Variants in NT5DC1 observed in about 807,000 individuals in gnomAD.
The protein encoded by NT5DC1 is 5'-nucleotidase domain containing 1.
Under a neutral mutation model 59.4 loss-of-function variants are expected in NT5DC1, and 42 were observed. That is an observed-to-expected ratio of 0.71 (90% confidence interval 0.55 to 0.92). The LOEUF is 0.92. Ranked by LOEUF, NT5DC1 falls within the 40% of genes least tolerant of loss-of-function variation. The pLI is 0.00. For synonymous variants in NT5DC1, 172 were observed against 188.1 expected, an observed-to-expected ratio of 0.91 and a Z score of 0.70; for missense variants, 501 against 537.1, an observed-to-expected ratio of 0.93 and a Z score of 0.66.
chr6:116,175,866 C>G (rs1459377154), intron 6 of NT5DC1, among the ~76,000 whole-genome samples: 1 of 151,988 alleles, frequency 6.6e-6, no homozygotes, highest in Non-Finnish European at 1.5e-5. Context: ...ATTTTTAAGT[C>G]CCTGTCTGAT....
intron 6 of NT5DC1, among the ~76,000 whole-genome samples, chr6:116,210,915 A>G (rs1015030579): frequency 6.6e-6 from 1 of 152,028 alleles, no homozygotes; most frequent in Admixed American, 6.6e-5. Context: ...GCTAGTCTAC[A>G]AAGATAGCTC....
rs772813800 is a variant in NT5DC1, at chr6:116,110,950, C to T, written c.358C>T (p.Arg120Cys). The T allele has an allele frequency of 6.3e-5, 102 of 1,606,616 alleles. No homozygotes were observed. The highest frequency in any genetic ancestry group is 7.8e-5 in the Non-Finnish European group (91 of 1,173,408). ...CTTGTCGGACACTGGAATGGCTTGC[C>T]GCTCAGGTATGACTCAAATGAGGCA... Reference protein sequence around the residue: ...HFLSDTGMACRSGKYYFYDNY... With the variant: ...HFLSDTGMACCSGKYYFYDNY... The change falls in exon 4 of 12, where the codon CGC becomes TGC. Residue 120 changes from arginine (R) to cysteine (C), a missense_variant. Physicochemically the swap from Arg to Cys is radical, Grantham distance 180. Coordinates refer to ENST00000319550, the MANE Select transcript of NT5DC1 (RefSeq NM_152729.3).
intron 4 of NT5DC1, among the ~76,000 whole-genome samples, chr6:116,114,529 TGG>T (rs199814768): frequency 4.0e-5 from 1 of 25,250 alleles, no homozygotes; most frequent in African/African-American, 1.5e-4. Context: ...GCTTGCAAAT[TGG>T]GGGGAGGGGG....
chr6:116,166,868 T>A (rs968457158), intron 6 of NT5DC1, among the ~76,000 whole-genome samples: 3 of 152,218 alleles, frequency 2.0e-5, no homozygotes, highest in African/African-American at 7.2e-5. Context: ...GTCTGGAATC[T>A]GACCTTGAAA....
intron 6 of NT5DC1, among the ~76,000 whole-genome samples, chr6:116,168,461 C>A (rs1305800062): frequency 2.6e-5 from 4 of 151,884 alleles, no homozygotes; most frequent in African/African-American, 9.7e-5. Context: ...TTTTTCAATT[C>A]TCTGACAAAA....
chr6:116,142,981 A>G (rs1339277819), intron 6 of NT5DC1, among the ~76,000 whole-genome samples: 1 of 152,212 alleles, frequency 6.6e-6, no homozygotes, highest in African/African-American at 2.4e-5. Context: ...AATTTGATGG[A>G]TAAAATTATA....
intron 6 of NT5DC1, chr6:116,121,943 TCTC>T (rs757324469): frequency 6.8e-6 from 11 of 1,612,796 alleles, no homozygotes; most frequent in Non-Finnish European, 9.3e-6. Context: ...AGTACCTTGC[TCTC>T]CTCTTACTGC....
At chr6:116,114,332 G>A (rs193169628) in intron 4 of NT5DC1, among the ~76,000 whole-genome samples, 59 of 152,118 alleles carry the variant, frequency 3.9e-4, no homozygotes, top group Admixed American at 3.3e-3. Flanking sequence ...CAGAACCCTG[G>A]CTTCTGCATA....
chr6:116,156,028 G>A (rs1780184612), intron 6 of NT5DC1, among the ~76,000 whole-genome samples: 1 of 152,092 alleles, frequency 6.6e-6, no homozygotes, highest in South Asian at 2.1e-4. Context: ...TTTATCTCCT[G>A]TAATAAAACA....
At chr6:116,184,514 C>A (rs539839393) in intron 6 of NT5DC1, among the ~76,000 whole-genome samples, 2 of 152,004 alleles carry the variant, frequency 1.3e-5, no homozygotes, top group Non-Finnish European at 2.9e-5. Flanking sequence ...TCCGTCTGAT[C>A]CTGGCCTTTT....
chr6:116,239,516 G>A (rs914015558), intron 11 of NT5DC1, among the ~76,000 whole-genome samples: 1 of 152,204 alleles, frequency 6.6e-6, no homozygotes, highest in Non-Finnish European at 1.5e-5. Flanking sequence ...AGGAACTGGA[G>A]GAGAGGGCCT....
At chr6:116,120,465 C>T (rs1181038080) in intron 6 of NT5DC1, 3 of 1,614,240 alleles carry the variant, frequency 1.9e-6, no homozygotes, top group Non-Finnish European at 2.5e-6. Flanking sequence ...AAAGCAGACA[C>T]AGGCATTCCT....
At chr6:116,122,500 T>G (rs1329040907) in intron 6 of NT5DC1, among the ~76,000 whole-genome samples, 1 of 152,226 alleles carries the variant, frequency 6.6e-6, no homozygotes, top group African/African-American at 2.4e-5. Flanking sequence ...CTCTCCATTA[T>G]TGACTTAAAA....
chr6:116,223,925 A>C (rs1217565686), intron 8 of NT5DC1, among the ~76,000 whole-genome samples: 1 of 152,218 alleles, frequency 6.6e-6, no homozygotes, highest in African/African-American at 2.4e-5. Context: ...TTAACAAATA[A>C]AATTTATAGA....
chr6:116,114,529 TGGGG>T (rs199814768), intron 4 of NT5DC1, among the ~76,000 whole-genome samples: 13 of 25,270 alleles, frequency 5.1e-4, no homozygotes, highest in East Asian at 3.7e-3. Flanking sequence ...GCTTGCAAAT[TGGGG>T]GGAGGGGGGG....
At chr6:116,152,877 T>G (rs796471151) in intron 6 of NT5DC1, among the ~76,000 whole-genome samples, 24 of 152,240 alleles carry the variant, frequency 1.6e-4, no homozygotes, top group African/African-American at 5.8e-4. Context: ...GAGTTCTTGA[T>G]TGTGCTCTAT....
At chr6:116,204,638 T>C (rs1391222657) in intron 6 of NT5DC1, among the ~76,000 whole-genome samples, 1 of 151,996 alleles carries the variant, frequency 6.6e-6, no homozygotes, top group Non-Finnish European at 1.5e-5. Flanking sequence ...GAAGTACTCA[T>C]ATGTATACAT....
chr6:116,194,313 CACA>C (rs750671073), intron 6 of NT5DC1, among the ~76,000 whole-genome samples: 64 of 152,054 alleles, frequency 4.2e-4, no homozygotes, highest in South Asian at 1.0e-3. Context: ...TACTTGTTTT[CACA>C]ACAAGTAATA....
intron 6 of NT5DC1, among the ~76,000 whole-genome samples, chr6:116,184,731 A>G (rs1201885314): frequency 6.6e-6 from 1 of 151,956 alleles, no homozygotes; most frequent in Non-Finnish European, 1.5e-5. Flanking sequence ...CAGTTGTAAT[A>G]TCTTCTGTTT....
Sources: allele counts gnomAD v4.1 joint callset (sites outside exome capture counted in the v4.1 genomes callset), GRCh38; gene constraint gnomAD v4.1.1; transcripts MANE v1.5; gene names NCBI Gene and HGNC (gene_info 2026-07-23, HGNC 2026-07-21).